CADPS2: variants seen among roughly 807,000 people sequenced by gnomAD.
CADPS2 encodes the protein calcium dependent secretion activator 2.
A neutral mutation model predicts 172.5 loss-of-function variants in CADPS2; 93 were observed. That is an observed-to-expected ratio of 0.54 (90% CI 0.46 to 0.64). The LOEUF is 0.64. Ranked by LOEUF, CADPS2 falls within the 30% of genes least tolerant of loss-of-function variation. CADPS2 has a pLI of 0.00. For synonymous variants in CADPS2, 546 were observed against 555.2 expected (o/e 0.98, Z 0.23); for missense variants, 1,420 against 1,565.9 (o/e 0.91, Z 1.57).
At chr7:122,773,952 T>G (rs534098970) in intron 1 of CADPS2, among the ~76,000 whole-genome samples, 1 of 152,208 alleles carries the variant, frequency 6.6e-6, no homozygotes, top group South Asian at 2.1e-4. Flanking sequence ...TTATGTCTGC[T>G]TAGCTTTCTG....
intron 22 of CADPS2, among the ~76,000 whole-genome samples, chr7:122,391,968 T>C (rs1563219494): frequency 1.3e-5 from 2 of 152,146 alleles, no homozygotes; most frequent in Non-Finnish European, 2.9e-5. Context: ...GGTTTCTTAG[T>C]TTCTTTATGA....
intron 1 of CADPS2, among the ~76,000 whole-genome samples, chr7:122,774,281 CA>C (rs2093804398): frequency 6.7e-6 from 1 of 149,326 alleles, no homozygotes; most frequent in African/African-American, 2.5e-5. Flanking sequence ...CACACACACA[CA>C]CACACACACA....
chr7:122,561,660 G>A (rs1178129790), intron 7 of CADPS2, among the ~76,000 whole-genome samples: 1 of 152,044 alleles, frequency 6.6e-6, no homozygotes, highest in African/African-American at 2.4e-5. Flanking sequence ...ACCACATAGA[G>A]TCACTTAAAT....
chr7:122,363,826 A>G lies in CADPS2; in HGVS notation c.3388-2813T>C, dbSNP rs527840493. On this transcript the variant is annotated intron_variant, in intron 25 of 29. Transcript: ENST00000449022. ...ACCTGAATACATTAAGTCACAAGTT[A>G]ATGGGGGCTGCCTTAGAATTACTTA... Among the ~76,000 whole-genome samples, 3 of 152,296 alleles carry G rather than the reference A, an allele frequency of 2.0e-5. No individual in the cohort carries two copies. In the South Asian group the frequency reaches 6.2e-4, roughly 32 times the overall value.
At chr7:122,543,488 A>G (rs752140033) in intron 8 of CADPS2, among the ~76,000 whole-genome samples, 1 of 152,132 alleles carries the variant, frequency 6.6e-6, no homozygotes, top group Non-Finnish European at 1.5e-5. Flanking sequence ...TGACACATCA[A>G]TAAACATGTG....
rs1287477992 is a variant in CADPS2 at position 122,345,675 on chromosome 7, C to G, written c.3511G>C (p.Gly1171Arg). The change falls in exon 28 of 30, where the codon GGA becomes CGA. Residue 1171 changes from glycine to arginine, a missense_variant. Physicochemically the swap from Gly to Arg is moderately radical, Grantham distance 125. Transcript: ENST00000449022. ...ATATAGGTGTCTGCCAGATCCATTCCTGGTTTCTGTTGTGAAGGAAAAGCA... is the reference window on the plus strand; with the variant it reads ...ATATAGGTGTCTGCCAGATCCATTCGTGGTTTCTGTTGTGAAGGAAAAGCA... ...AAKYVDVPKP[G>R]MDLADTYIMF... The G allele has an allele frequency of 6.2e-7, 1 of 1,606,786 alleles. No individual in the cohort carries two copies. Among genetic ancestry groups the G allele is most frequent in the African/African-American group, 1.3e-5 (1 of 74,828 alleles).
intron 1 of CADPS2, among the ~76,000 whole-genome samples, chr7:122,859,039 C>G (rs1304176186): frequency 6.6e-6 from 1 of 152,166 alleles, no homozygotes; most frequent in Non-Finnish European, 1.5e-5. Context: ...CAGAAAGTTT[C>G]TAATAGAATT....
chr7:122,589,412 G>C (rs553814161), intron 6 of CADPS2, among the ~76,000 whole-genome samples: 69 of 151,920 alleles, frequency 4.5e-4, no homozygotes, highest in South Asian at 1.2e-3. Flanking sequence ...TTTAAAAATA[G>C]CTTTCTTCAT....
At chr7:122,345,238 G>A (rs1368022966) in intron 28 of CADPS2, among the ~76,000 whole-genome samples, 1 of 152,146 alleles carries the variant, frequency 6.6e-6, no homozygotes, top group Admixed American at 6.5e-5. Context: ...CGATTCTTGT[G>A]CTGCAGCCTC....
At chr7:122,437,812 A>G (rs71573098) in intron 17 of CADPS2, among the ~76,000 whole-genome samples, 10,498 of 88,790 alleles carry the variant, frequency 0.12, 463 homozygotes, top group African/African-American at 0.13. Context: ...AAGAAAGAAA[A>G]AAAAAAAAAG....
chr7:122,828,812 C>G (rs1805680519), intron 1 of CADPS2, among the ~76,000 whole-genome samples: 3 of 152,162 alleles, frequency 2.0e-5, no homozygotes, highest in Admixed American at 1.3e-4. Context: ...ACACCTGCAG[C>G]TGATAGCTCT....
rs79367622 is a variant in CADPS2, at chr7:122,785,485, T to C, written c.340-48417A>G. ...GGAGGTACCCAGGCATTAGTACTTA[T>C]GTAAATACCCCAGGTGAATTTTGAA... On this transcript the variant is annotated intron_variant, in intron 1 of 29. Transcript: ENST00000449022. 7.6e-3 allele frequency among the ~76,000 whole-genome samples: 1,160 copies of C among 152,308 alleles called. 16 individuals carry two copies. The highest frequency in any genetic ancestry group is 0.026 in the African/African-American group (1,077 of 41,568).
intron 1 of CADPS2, among the ~76,000 whole-genome samples, chr7:122,821,365 A>C (rs1167329338): frequency 6.6e-6 from 1 of 152,168 alleles, no homozygotes; most frequent in Non-Finnish European, 1.5e-5. Context: ...TCAAGGAAAT[A>C]ACTTCTCAGT....
intron 2 of CADPS2, among the ~76,000 whole-genome samples, chr7:122,675,503 C>G (rs2082292516): frequency 1.3e-5 from 2 of 152,168 alleles, no homozygotes; most frequent in African/African-American, 4.8e-5. Flanking sequence ...TAAAAATTAT[C>G]CAGTCTATCA....
At chr7:122,797,163 A>G (rs984172512) in intron 1 of CADPS2, among the ~76,000 whole-genome samples, 1 of 152,212 alleles carries the variant, frequency 6.6e-6, no homozygotes, top group Non-Finnish European at 1.5e-5. Context: ...ATATCATCTT[A>G]TATCAGTCAA....
intron 3 of CADPS2, among the ~76,000 whole-genome samples, chr7:122,631,745 T>C (rs2076596903): frequency 6.6e-6 from 1 of 152,012 alleles, no homozygotes; most frequent in African/African-American, 2.4e-5. Flanking sequence ...GATGGTTTCA[T>C]GGGTATATTA....
intron 28 of CADPS2, among the ~76,000 whole-genome samples, chr7:122,342,323 C>T (rs1022173448): frequency 2.6e-5 from 4 of 152,062 alleles, no homozygotes; most frequent in Non-Finnish European, 5.9e-5. Context: ...CGAATCTAGG[C>T]CAATGTCATG....
At chr7:122,757,735 G>A (rs942427082) in intron 1 of CADPS2, among the ~76,000 whole-genome samples, 1 of 151,606 alleles carries the variant, frequency 6.6e-6, no homozygotes, top group African/African-American at 2.4e-5. Context: ...CTGTCGATTA[G>A]GAGAAATAAA....
At chr7:122,644,851 C>A (rs939247656) in intron 3 of CADPS2, among the ~76,000 whole-genome samples, 4 of 152,038 alleles carry the variant, frequency 2.6e-5, no homozygotes, top group Non-Finnish European at 1.5e-5. Flanking sequence ...ATTCTGTCTG[C>A]CAGATACAAA....
Sources: allele counts gnomAD v4.1 joint callset (sites outside exome capture counted in the v4.1 genomes callset), GRCh38; gene constraint gnomAD v4.1.1; transcripts MANE v1.5; gene names NCBI Gene and HGNC (gene_info 2026-07-23, HGNC 2026-07-21).